The following PLD1 variants were observed in gnomAD, a reference collection of about 807,000 sequenced individuals.
The protein encoded by PLD1 is choline phosphatase 1.
In PLD1, 112 loss-of-function variants were observed where a neutral mutation model predicts 137.1. The ratio of observed to expected loss-of-function variants is 0.82; its 90% CI spans 0.70 to 0.96. The LOEUF (loss-of-function observed/expected upper bound fraction) is 0.96, where lower values mean the gene tolerates loss of function less well. PLD1 is among the 40% of genes least tolerant of loss of function. PLD1 has a pLI of 0.00. For missense variants in PLD1, 1,321 were observed against 1,342.0 expected (o/e 0.98, Z 0.24); for synonymous variants, 431 against 454.7 (o/e 0.95, Z 0.66).
intron 25 of PLD1, among the ~76,000 whole-genome samples, chr3:171,606,544 C>A (rs984292912): frequency 2.0e-5 from 3 of 152,068 alleles, no homozygotes; most frequent in Non-Finnish European, 4.4e-5. Context: ...GGAGGAGGAA[C>A]CAGCGAGGCT....
In PLD1 at chr3:171,674,625, A is replaced by G. The variant is rs777483216; in HGVS notation, c.2116-12T>C. On this transcript the variant is annotated splice_polypyrimidine_tract_variant and intron_variant, in intron 18 of 26. Transcript: ENST00000351298. ...TTTGATTTCATAATCTAAAATAAAG[A>G]AAAAGGATAAAATATTCAAATGAGA... The G allele has an allele frequency of 2.4e-5, 32 of 1,318,828 alleles. No individual in the cohort carries two copies. The highest frequency in any genetic ancestry group is 1.1e-6 in the Non-Finnish European group (1 of 919,862). The allele number at this position is 1,318,828 out of a possible 1,614,324, so 81.7% of individuals were successfully genotyped here. A position where few individuals can be genotyped will look rare whatever the true frequency, so the allele number is the denominator to read the frequency against.
At chr3:171,794,691 A>G (rs1723358284) in intron 1 of PLD1, among the ~76,000 whole-genome samples, 1 of 152,242 alleles carries the variant, frequency 6.6e-6, no homozygotes, top group South Asian at 2.1e-4. Flanking sequence ...GTATTAAAAA[A>G]AAAAAGTACT....
At chr3:171,753,360 C>T (rs747254895) in intron 1 of PLD1, among the ~76,000 whole-genome samples, 24 of 152,196 alleles carry the variant, frequency 1.6e-4, no homozygotes, top group Non-Finnish European at 5.9e-5. Context: ...AGGCAGGCTG[C>T]CAAACTTTGA....
At chr3:171,626,520 C>T (rs1034144583) in intron 23 of PLD1, among the ~76,000 whole-genome samples, 2 of 152,012 alleles carry the variant, frequency 1.3e-5, no homozygotes, top group Admixed American at 1.3e-4. Context: ...AGATACTCCT[C>T]GAGAAGAGCA....
chr3:171,642,901 TA>T lies in PLD1; in HGVS notation c.2544-13del, dbSNP rs751722364. 3.3e-6 allele frequency: 5 copies of T among 1,521,098 alleles called. No homozygotes were observed. In the East Asian group the frequency reaches 9.2e-5, roughly 28 times the overall value. The allele number at this position is 1,521,098 out of a possible 1,614,324, so 94.2% of individuals were successfully genotyped here. A position where few individuals can be genotyped will look rare whatever the true frequency, so the allele number is the denominator to read the frequency against. Reference sequence around the variant, plus strand: ...CTCTGCACATGGTTCTGAAAATATGTAAAGGAGAAAATAATTACAGAGGTTT... The same window carrying T: ...CTCTGCACATGGTTCTGAAAATATGTAAGGAGAAAATAATTACAGAGGTTT... On this transcript the variant is annotated splice_polypyrimidine_tract_variant and intron_variant, in intron 22 of 26. Transcript: ENST00000351298.
At chr3:171,736,296 C>G (rs1426271926) in intron 3 of PLD1, among the ~76,000 whole-genome samples, 1 of 152,134 alleles carries the variant, frequency 6.6e-6, no homozygotes, top group Non-Finnish European at 1.5e-5. Context: ...AATGTAAGCA[C>G]TGTTATACCC....
rs2108241697 is a variant in PLD1, at chr3:171,601,807, T to C, written c.*1271A>G. The C allele has an allele frequency of 6.6e-6, 1 of 152,324 alleles. No homozygotes were observed. Among genetic ancestry groups the C allele is most frequent in the South Asian group, 2.1e-4 (1 of 4,834 alleles). 9.4% of individuals were successfully genotyped at this position (152,324 alleles called of 1,614,324 possible). ...GGTAACCCACATTAGCTCTTTAGAC[T>C]GTCAGAGTTGTTCAGCTTAGTAAAA... is the stretch of plus-strand genomic sequence containing the variant. On this transcript the variant is annotated 3_prime_UTR_variant, in exon 27 of 27. Transcript: ENST00000351298.
intron 14 of PLD1, 58 bp from the exon 15 acceptor site, chr3:171,687,642 C>T: frequency 9.3e-7 from 1 of 1,072,738 alleles, no homozygotes; most frequent in Non-Finnish European, 1.4e-6. Flanking sequence ...CAGTGTGGTT[C>T]TTTAATTCAA....
chr3:171,660,516 A>G (rs1157990068), intron 20 of PLD1, among the ~76,000 whole-genome samples: 4 of 152,226 alleles, frequency 2.6e-5, no homozygotes, highest in Non-Finnish European at 5.9e-5. Context: ...AACCAGGTCT[A>G]TGTCCCAACT....
At chr3:171,725,809 G>A (rs1718461638) in intron 7 of PLD1, among the ~76,000 whole-genome samples, 1 of 152,234 alleles carries the variant, frequency 6.6e-6, no homozygotes, top group South Asian at 2.1e-4. Flanking sequence ...GTAAGCACGT[G>A]ACAAAGACAG....
intron 1 of PLD1, among the ~76,000 whole-genome samples, chr3:171,797,761 T>G (rs572202251): frequency 6.6e-6 from 1 of 152,394 alleles, no homozygotes; most frequent in Admixed American, 6.5e-5. Context: ...TTAATGTGAA[T>G]GAAGTTTTCA....
chr3:171,607,565 G>C (rs1732307189), intron 25 of PLD1, among the ~76,000 whole-genome samples: 1 of 152,026 alleles, frequency 6.6e-6, no homozygotes, highest in Admixed American at 6.5e-5. Flanking sequence ...GAAGTACTCT[G>C]GATGTTCTTT....
At chr3:171,720,640 A>G (rs527471917) in intron 8 of PLD1, among the ~76,000 whole-genome samples, 2 of 152,184 alleles carry the variant, frequency 1.3e-5, no homozygotes, top group South Asian at 4.1e-4. Flanking sequence ...GTTATCATCT[A>G]TATATGCTTT....
intron 21 of PLD1, among the ~76,000 whole-genome samples, chr3:171,645,903 A>G (rs1222272164): frequency 6.6e-6 from 1 of 151,218 alleles, no homozygotes; most frequent in East Asian, 1.9e-4. Flanking sequence ...AAAAAAAAAA[A>G]AAAGAATTCT....
chr3:171,688,161 C>T (rs1714765684), intron 14 of PLD1, among the ~76,000 whole-genome samples: 1 of 151,942 alleles, frequency 6.6e-6, no homozygotes, highest in Non-Finnish European at 1.5e-5. Flanking sequence ...GATTGATATA[C>T]ACATACAGAT....
intron 1 of PLD1, among the ~76,000 whole-genome samples, chr3:171,777,467 A>G (rs1017226752): frequency 4.6e-5 from 7 of 152,148 alleles, no homozygotes; most frequent in African/African-American, 1.4e-4. Flanking sequence ...GCCCAGAGGC[A>G]TTTCCTTCCT....
At position 171,738,100 on chromosome 3, in the gene PLD1, G is replaced by A. The variant is rs753618768; in HGVS notation, c.-31-18C>T. The A allele has an allele frequency of 1.8e-5, 26 of 1,445,358 alleles. No homozygotes were observed. In the East Asian group the frequency reaches 2.1e-4, roughly 11 times the overall value. 89.5% of individuals were successfully genotyped at this position (1,445,358 alleles called of 1,614,324 possible). ...CAAAGGGGCTAGGAAAGAAGAAAAC[G>A]GTTACAAAGACTTAGCATTTTGATA... On this transcript the variant is annotated intron_variant, in intron 1 of 26. Transcript: ENST00000351298.
intron 1 of PLD1, chr3:171,792,517 C>T (rs533640037): frequency 1.3e-5 from 6 of 451,424 alleles, no homozygotes; most frequent in East Asian, 7.0e-5. Flanking sequence ...CCCTCAGACA[C>T]GAAGGTCTCG....
rs139824599 is a variant in PLD1 at position 171,600,781 on chromosome 3, C to A, written c.*2297G>T. 1 of 152,012 alleles carries A rather than the reference C, an allele frequency of 6.6e-6. No homozygotes were observed. The highest frequency in any genetic ancestry group is 1.5e-5 in the Non-Finnish European group (1 of 67,986). 9.4% of individuals were successfully genotyped at this position (152,012 alleles called of 1,614,324 possible). A position where few individuals can be genotyped will look rare whatever the true frequency, so the allele number is the denominator to read the frequency against. The stretch of plus-strand genomic sequence containing the variant: ...TTGGGAAGATGCAATAGAAAAGGAA[C>A]TTGCCATAGAAAGCAGTAGTAAGAC... On this transcript the variant is annotated 3_prime_UTR_variant, in exon 27 of 27. Coordinates refer to ENST00000351298, the MANE Select transcript of PLD1 (RefSeq NM_002662.5).
Sources: gnomAD v4.1 joint callset for allele counts (sites outside exome capture counted in the v4.1 genomes callset) on GRCh38, gnomAD v4.1.1 for gene constraint, MANE v1.5 for transcripts, NCBI Gene and HGNC (gene_info 2026-07-23, HGNC 2026-07-21) for gene names.